PKIA: variants seen among roughly 807,000 people sequenced by gnomAD.
The protein encoded by PKIA is PKI-alpha.
PKIA carries 4 observed loss-of-function variants against 7.6 expected under a neutral mutation model. That is an observed-to-expected ratio of 0.52 (90% CI 0.26 to 1.20). The LOEUF (loss-of-function observed/expected upper bound fraction) is 1.20, where lower values mean the gene tolerates loss of function less well. PKIA is among the 50% of genes most tolerant of loss of function. PKIA has a pLI of 0.13. For missense variants in PKIA, 73 were observed against 86.2 expected (o/e 0.85, Z 0.61); for synonymous variants, 21 against 30.7 (o/e 0.68, Z 1.04).
chr8:78,593,758 A>C (rs1206139290), intron 2 of PKIA, among the ~76,000 whole-genome samples: 2 of 146,262 alleles, frequency 1.4e-5, no homozygotes. Flanking sequence ...AGTTCCAAGT[A>C]CTTAATTCAT....
intron 1 of PKIA, among the ~76,000 whole-genome samples, chr8:78,559,016 G>A (rs1176361809): frequency 6.6e-6 from 1 of 152,100 alleles, no homozygotes; most frequent in Non-Finnish European, 1.5e-5. Flanking sequence ...CCGCCTCCTG[G>A]GTTCCAGCGA....
chr8:78,601,831 TTG>T lies in PKIA; in HGVS notation c.*11_*12del. 6.2e-7 allele frequency: 1 copy of T among 1,600,790 alleles called. No homozygotes were observed. The highest frequency in any genetic ancestry group is 1.1e-5 in the South Asian group (1 of 90,784). On this transcript the variant is annotated 3_prime_UTR_variant, in exon 4 of 4. Transcript: ENST00000396418. ...AAAATCTGAAAGCTAACACCCCACT[TTG>T]ACCCTCGACCACACCTGAAAATGTC...
chr8:78,539,782 ATATAAT>A (rs1806627464), intron 1 of PKIA, among the ~76,000 whole-genome samples: 1 of 152,054 alleles, frequency 6.6e-6, no homozygotes, highest in African/African-American at 2.4e-5. Flanking sequence ...ATTACATGTA[ATATAAT>A]TATATGTAAT....
At chr8:78,521,731 T>C (rs962372431) in intron 1 of PKIA, among the ~76,000 whole-genome samples, 1 of 152,008 alleles carries the variant, frequency 6.6e-6, no homozygotes, top group African/African-American at 2.4e-5. Flanking sequence ...TCTGGTAAAA[T>C]ATACGTAACA....
chr8:78,582,180 T>C (rs1659861618), intron 2 of PKIA, among the ~76,000 whole-genome samples: 1 of 151,910 alleles, frequency 6.6e-6, no homozygotes, highest in African/African-American at 2.4e-5. Flanking sequence ...CGTGTTTTTT[T>C]TTTTTTTTGA....
chr8:78,520,904 T>G (rs1178722205), intron 1 of PKIA, among the ~76,000 whole-genome samples: 1 of 152,106 alleles, frequency 6.6e-6, no homozygotes, highest in Admixed American at 6.6e-5. Flanking sequence ...GTACTTGAGA[T>G]GAGGTTTTCC....
chr8:78,595,394 A>G (rs1343118667), intron 2 of PKIA, among the ~76,000 whole-genome samples: 3 of 152,114 alleles, frequency 2.0e-5, no homozygotes, highest in African/African-American at 7.2e-5. Context: ...CAGATTCAGA[A>G]TTTTACAAAT....
intron 2 of PKIA, among the ~76,000 whole-genome samples, chr8:78,588,399 C>T (rs1808004421): frequency 1.3e-5 from 2 of 152,018 alleles, no homozygotes; most frequent in Admixed American, 6.6e-5. Flanking sequence ...AGCATCACTT[C>T]GACCCAGGAG....
intron 1 of PKIA, chr8:78,534,085 A>T (rs1480939808): frequency 6.6e-6 from 1 of 152,160 alleles, no homozygotes; most frequent in East Asian, 1.9e-4. Flanking sequence ...TTCTCACTTA[A>T]GATAGAATGC....
At chr8:78,527,979 T>C (rs1806289595) in intron 1 of PKIA, among the ~76,000 whole-genome samples, 1 of 152,124 alleles carries the variant, frequency 6.6e-6, no homozygotes, top group Non-Finnish European at 1.5e-5. Flanking sequence ...GACTTGTTCT[T>C]TGTGAATTGT....
At chr8:78,540,511 G>C (rs1806656248) in intron 1 of PKIA, among the ~76,000 whole-genome samples, 1 of 151,930 alleles carries the variant, frequency 6.6e-6, no homozygotes, top group Non-Finnish European at 1.5e-5. Flanking sequence ...GTGACATACT[G>C]GGAATAGATT....
Position 78,578,329 on chromosome 8 carries a change from T to C in PKIA, c.-28+5390T>C, listed in dbSNP as rs56816088. On this transcript the variant is annotated intron_variant, in intron 2 of 3. Transcript: ENST00000396418. ...TTATGAAGACTCAAATATTTTCCCC[T>C]GAAATTGATATTAAACTGTAATCAT... 4.3e-3 allele frequency among the ~76,000 whole-genome samples: 648 copies of C among 152,156 alleles called. 5 individuals are homozygous for C. Among genetic ancestry groups the C allele is most frequent in the African/African-American group, 0.014 (579 of 41,552 alleles).
intron 1 of PKIA, among the ~76,000 whole-genome samples, chr8:78,517,072 A>G (rs866126008): frequency 1.3e-5 from 2 of 152,282 alleles, no homozygotes; most frequent in Middle Eastern, 6.8e-3. Context: ...TTCTCTGTCA[A>G]TCATTTCATT....
intron 1 of PKIA, among the ~76,000 whole-genome samples, chr8:78,520,851 C>CCT (rs1356212318): frequency 1.3e-5 from 2 of 152,046 alleles, no homozygotes; most frequent in African/African-American, 4.8e-5. Flanking sequence ...ATTTGTGCTC[C>CCT]CTTGGACAAT....
intron 1 of PKIA, among the ~76,000 whole-genome samples, chr8:78,553,737 A>T (rs1807049204): frequency 7.1e-6 from 1 of 141,000 alleles, no homozygotes; most frequent in Non-Finnish European, 1.6e-5. Flanking sequence ...AAACAACTGG[A>T]TTTTTTTTTT....
At position 78,601,801 on chromosome 8, in the gene PKIA, G is replaced by A; in HGVS notation, c.211G>A (p.Ala71Thr). 3.1e-6 allele frequency: 5 copies of A among 1,612,236 alleles called. No individual in the cohort carries two copies. Among genetic ancestry groups the A allele is most frequent in the Non-Finnish European group, 4.2e-6 (5 of 1,178,814 alleles). ...ACAAAGTGGGGAAGCCCAGGGAGAA[G>A]CAGCAAAATCTGAAAGCTAACACCC... ...TEQSGEAQGE[A>T]AKSES is the part of the protein sequence containing the mutation. The change falls in exon 4 of 4, where the codon GCA becomes ACA. Residue 71 changes from alanine (A) to threonine (T), a missense_variant. Physicochemically the swap from Ala to Thr is moderately conservative, Grantham distance 58. Coordinates refer to ENST00000396418, the MANE Select transcript of PKIA (RefSeq NM_006823.4).
chr8:78,564,196 A>G lies in PKIA; in HGVS notation c.-156-8615A>G, dbSNP rs565740565. On this transcript the variant is annotated intron_variant, in intron 1 of 3. Coordinates refer to ENST00000396418, the MANE Select transcript of PKIA (RefSeq NM_006823.4). Reference sequence around the variant, plus strand: ...TAAAAAAAAAGAAAAAAGAAAAAAAAGAATGGCCCTTAAGTAGAATGAGAA... The same window carrying G: ...TAAAAAAAAAGAAAAAAGAAAAAAAGGAATGGCCCTTAAGTAGAATGAGAA... Among the ~76,000 whole-genome samples, 10 of 152,102 alleles carry G rather than the reference A, an allele frequency of 6.6e-5. No homozygotes were observed. In the East Asian group the frequency reaches 1.9e-3, roughly 29 times the overall value.
intron 1 of PKIA, among the ~76,000 whole-genome samples, chr8:78,569,003 AG>A (rs1478550950): frequency 6.6e-6 from 1 of 152,084 alleles, no homozygotes; most frequent in East Asian, 1.9e-4. Flanking sequence ...GTCAGGAAGG[AG>A]ACTTAAGGAG....
At chr8:78,522,206 T>C (rs758210017) in intron 1 of PKIA, among the ~76,000 whole-genome samples, 3 of 151,972 alleles carry the variant, frequency 2.0e-5, no homozygotes, top group Non-Finnish European at 2.9e-5. Context: ...TCCATAGATG[T>C]CAAGTAATAT....
Sources: allele counts gnomAD v4.1 joint callset (sites outside exome capture counted in the v4.1 genomes callset), GRCh38; gene constraint gnomAD v4.1.1; transcripts MANE v1.5; gene names NCBI Gene and HGNC (gene_info 2026-07-23, HGNC 2026-07-21).